The following TAF4 variants were observed in gnomAD, a reference collection of about 807,000 sequenced individuals.
TAF4 encodes the protein TATA-box binding protein associated factor 4, also known as transcription initiation factor TFIID subunit 4.
TAF4 carries 9 observed loss-of-function variants against 90.3 expected under a neutral mutation model. That is an observed-to-expected ratio of 0.10 (90% confidence interval 0.06 to 0.17). The LOEUF is 0.17. Ranked by LOEUF, TAF4 falls within the 10% of genes least tolerant of loss-of-function variation. The probability of loss-of-function intolerance (pLI) is 1.00; values close to 1 mark genes in which losing one functional copy is unlikely to be tolerated. For missense variants in TAF4, 1,351 were observed against 1,370.7 expected (o/e 0.99, Z 0.23); for synonymous variants, 818 against 638.9 (o/e 1.28, Z -4.23).
At chr20:61,994,047 G>C (rs1027365599) in intron 14 of TAF4, among the ~76,000 whole-genome samples, 1 of 151,884 alleles carries the variant, frequency 6.6e-6, no homozygotes, top group Non-Finnish European at 1.5e-5. Context: ...TTCTCGAACT[G>C]ATGATGGGCT....
rs118068712 is a variant in TAF4 at position 61,975,100 on chromosome 20, A to T, written c.*1068T>A. The T allele has an allele frequency of 3.3e-5, 5 of 152,576 alleles. No homozygotes were observed. In the East Asian group the frequency reaches 9.6e-4, roughly 29 times the overall value. The allele number at this position is 152,576 out of a possible 1,614,324, so 9.5% of individuals were successfully genotyped here. On this transcript the variant is annotated 3_prime_UTR_variant, in exon 15 of 15. Transcript: ENST00000252996. ...TATTTACAGTCATAAAAGTACTATC[A>T]ATAGACAATTTCATACAATAACCTC... is the stretch of plus-strand genomic sequence containing the variant.
chr20:62,048,673 C>A (rs1034214181), intron 1 of TAF4, among the ~76,000 whole-genome samples: 1 of 151,740 alleles, frequency 6.6e-6, no homozygotes, highest in Non-Finnish European at 1.5e-5. Flanking sequence ...ACCATCCCCC[C>A]AGGGCCCTCT....
intron 5 of TAF4, among the ~76,000 whole-genome samples, chr20:62,008,555 T>TG (rs1256915276): frequency 2.0e-4 from 4 of 20,084 alleles, no homozygotes; most frequent in Admixed American, 4.4e-4. Context: ...GGGGTGGGGG[T>TG]GGGGGGGACG....
chr20:62,026,713 C>T (rs535722224), intron 1 of TAF4, among the ~76,000 whole-genome samples: 38 of 152,348 alleles, frequency 2.5e-4, no homozygotes, highest in African/African-American at 8.7e-4. Flanking sequence ...GAAGGATCAG[C>T]AGCTCTGCTC....
intron 14 of TAF4, among the ~76,000 whole-genome samples, chr20:61,993,094 C>A (rs148763181): frequency 1.3e-5 from 2 of 152,270 alleles, no homozygotes; most frequent in East Asian, 3.9e-4. Flanking sequence ...ACCCACCAAG[C>A]GGCCAAACAG....
rs1264569541 is a variant in TAF4 at position 61,999,009 on chromosome 20, G to A, written c.2887C>T (p.Arg963Trp). 2 of 1,613,904 alleles carry A rather than the reference G, an allele frequency of 1.2e-6. No homozygotes were observed. The highest frequency in any genetic ancestry group is 1.7e-6 in the Non-Finnish European group (2 of 1,180,026). Reference protein sequence around the residue: ...IEKQRKDEQEREILMRAAKSR... With the variant: ...IEKQRKDEQEWEILMRAAKSR... Reference sequence around the variant, plus strand: ...TTTGCTGCCCTCATCAGGATCTCCCGCTCCTGCTCATCCTTCCTCTGCTTT... The same window carrying A: ...TTTGCTGCCCTCATCAGGATCTCCCACTCCTGCTCATCCTTCCTCTGCTTT... Residue 963 changes from arginine to tryptophan, a missense_variant, in exon 12 of 15, where the codon CGG becomes TGG. Arg to Trp is a moderately radical substitution (Grantham distance 101). This residue lies in a region of TAF4 where 95 missense variants were observed against 151.3 expected (regional missense o/e 0.63). Coordinates refer to ENST00000252996, the MANE Select transcript of TAF4 (RefSeq NM_003185.4).
chr20:61,989,913 G>T (rs1019448578), intron 14 of TAF4, among the ~76,000 whole-genome samples: 2 of 152,238 alleles, frequency 1.3e-5, no homozygotes, highest in Admixed American at 1.3e-4. Flanking sequence ...AGCCCCAGGG[G>T]TGGCGACACA....
chr20:62,030,007 G>A (rs1453912601), intron 1 of TAF4, among the ~76,000 whole-genome samples: 2 of 152,224 alleles, frequency 1.3e-5, no homozygotes, highest in African/African-American at 2.4e-5. Flanking sequence ...CAGGGGCATG[G>A]TCACGGTGAA....
intron 11 of TAF4, among the ~76,000 whole-genome samples, 180 bp from the exon 12 acceptor site, chr20:61,999,288 C>T (rs1214702665): frequency 6.6e-6 from 1 of 152,216 alleles, no homozygotes; most frequent in African/African-American, 2.4e-5. Flanking sequence ...TCGATGCTCA[C>T]GTCCACAGAA....
chr20:62,062,297 G>A (rs779560624), intron 1 of TAF4, among the ~76,000 whole-genome samples: 2 of 152,208 alleles, frequency 1.3e-5, no homozygotes, highest in Admixed American at 6.5e-5. Context: ...TCGATTACAG[G>A]AAGTAACCAG....
chr20:62,043,821 G>A (rs6061980), intron 1 of TAF4, among the ~76,000 whole-genome samples: 78,004 of 152,116 alleles, frequency 0.51, 20,537 homozygotes, highest in Middle Eastern at 0.65. Flanking sequence ...CTCGCACAAC[G>A]ATGACATTGC....
Position 62,065,774 on chromosome 20 carries a change from A to G in TAF4, c.37T>C (p.Phe13Leu). 1 of 1,340,110 alleles carries G rather than the reference A, an allele frequency of 7.5e-7. No individual in the cohort carries two copies. Among genetic ancestry groups the G allele is most frequent in the Non-Finnish European group, 9.7e-7 (1 of 1,027,302 alleles). The allele number at this position is 1,340,110 out of a possible 1,614,324, so 83.0% of individuals were successfully genotyped here. The part of the protein sequence containing the change: ...AGSDLLDEVF[F>L]NSEVDEKVVS... ...ACTTTCTCGTCCACCTCGCTGTTGA[A>G]GAAGACCTCGTCCAGCAGATCCGAG... The change falls in exon 1 of 15, where the codon TTC becomes CTC. Residue 13 changes from phenylalanine (F) to leucine (L), a missense_variant. Phe to Leu is a conservative substitution (Grantham distance 22, BLOSUM62 0). Coordinates refer to ENST00000252996, the MANE Select transcript of TAF4 (RefSeq NM_003185.4).
intron 3 of TAF4, among the ~76,000 whole-genome samples, chr20:62,011,541 G>A (rs1268956242): frequency 2.6e-5 from 4 of 152,194 alleles, no homozygotes; most frequent in Non-Finnish European, 5.9e-5. Flanking sequence ...CACCAAGGGC[G>A]GGGCCTGCAC....
At chr20:61,977,006 G>A (rs2055498862) in intron 14 of TAF4, among the ~76,000 whole-genome samples, 4 of 152,212 alleles carry the variant, frequency 2.6e-5, no homozygotes, top group Admixed American at 2.0e-4. Flanking sequence ...GGTTTCAGCT[G>A]ATGACACCTG....
chr20:62,018,749 C>A (rs536173637), intron 1 of TAF4, among the ~76,000 whole-genome samples: 5 of 152,246 alleles, frequency 3.3e-5, no homozygotes, highest in Non-Finnish European at 7.3e-5. Context: ...GCTCCACGCA[C>A]CCAGCCCTCG....
intron 1 of TAF4, among the ~76,000 whole-genome samples, chr20:62,063,909 G>C (rs1012174216): frequency 6.6e-6 from 1 of 152,248 alleles, no homozygotes; most frequent in South Asian, 2.1e-4. Flanking sequence ...AGGAGGGGGC[G>C]TCGCGCCCCC....
chr20:62,062,282 A>T (rs2056093134), intron 1 of TAF4, among the ~76,000 whole-genome samples: 1 of 152,234 alleles, frequency 6.6e-6, no homozygotes, highest in Non-Finnish European at 1.5e-5. Context: ...ATATTCTCTG[A>T]TCAATCGATT....
At chr20:61,987,144 C>A (rs900765155) in intron 14 of TAF4, among the ~76,000 whole-genome samples, 7 of 152,342 alleles carry the variant, frequency 4.6e-5, no homozygotes, top group East Asian at 3.9e-4. Context: ...TGAGGACACG[C>A]CAGCCGGCCC....
At chr20:62,036,173 G>A (rs1419944588) in intron 1 of TAF4, among the ~76,000 whole-genome samples, 2 of 152,112 alleles carry the variant, frequency 1.3e-5, no homozygotes, top group South Asian at 2.1e-4. Context: ...ACAGGTACCC[G>A]CCATCACAAC....
Sources: gnomAD v4.1 joint callset for allele counts (sites outside exome capture counted in the v4.1 genomes callset) on GRCh38, gnomAD v4.1.1 for gene constraint, gnomAD v4.1.1 regional missense constraint, MANE v1.5 for transcripts, NCBI Gene and HGNC (gene_info 2026-07-23, HGNC 2026-07-21) for gene names.